Variants in SCAPER observed in about 807,000 individuals in gnomAD.
SCAPER encodes S phase cyclin A-associated protein in the endoplasmic reticulum.
In SCAPER, 98 loss-of-function variants were observed where a neutral mutation model predicts 182.2. That is an observed-to-expected ratio of 0.54 (90% CI 0.46 to 0.64). The LOEUF is 0.64. SCAPER is among the 30% of genes least tolerant of loss of function. SCAPER has a pLI of 0.00. For missense variants in SCAPER, 1,432 were observed against 1,690.0 expected, an observed-to-expected ratio of 0.85 and a Z score of 2.68; for synonymous variants, 605 against 564.6, an observed-to-expected ratio of 1.07 and a Z score of -1.01.
intron 24 of SCAPER, among the ~76,000 whole-genome samples, chr15:76,483,638 T>C (rs2051335034): frequency 6.6e-6 from 1 of 152,106 alleles, no homozygotes; most frequent in South Asian, 2.1e-4. Context: ...TTCAAAGAAC[T>C]CTTACAACTT....
At chr15:76,801,706 G>C (rs1379552826) in intron 6 of SCAPER, among the ~76,000 whole-genome samples, 3 of 151,986 alleles carry the variant, frequency 2.0e-5, no homozygotes, top group African/African-American at 7.3e-5. Flanking sequence ...GATCACTCGA[G>C]GTCAGGAGTT....
chr15:76,809,138 T>C (rs868751224), intron 5 of SCAPER, among the ~76,000 whole-genome samples: 1 of 152,038 alleles, frequency 6.6e-6, no homozygotes, highest in South Asian at 2.1e-4. Context: ...ACAGGTAAGA[T>C]CCATCTCCTA....
rs964002069 is a variant in SCAPER, at chr15:76,750,628, A to T, written c.1866+3180T>A. Among the ~76,000 whole-genome samples, 8 of 151,962 alleles carry T rather than the reference A, an allele frequency of 5.3e-5. No individual in the cohort carries two copies. In the South Asian group the frequency reaches 1.7e-3, roughly 31 times the overall value. ...ACATATGAAAACTGGCCAATGTAACATTACACATTAACAGAATTAAAGAGG... is the reference window on the plus strand; with the variant it reads ...ACATATGAAAACTGGCCAATGTAACTTTACACATTAACAGAATTAAAGAGG... On this transcript the variant is annotated intron_variant, in intron 15 of 31. Transcript: ENST00000563290.
intron 17 of SCAPER, among the ~76,000 whole-genome samples, chr15:76,708,033 G>T (rs999056846): frequency 5.9e-5 from 9 of 151,962 alleles, no homozygotes; most frequent in African/African-American, 2.2e-4. Context: ...TATAGTTGTC[G>T]CTCAGTATCC....
chr15:76,805,690 C>T (rs902174005), intron 5 of SCAPER, among the ~76,000 whole-genome samples: 1 of 151,920 alleles, frequency 6.6e-6, no homozygotes, highest in Non-Finnish European at 1.5e-5. Flanking sequence ...GCCTCAGCCT[C>T]CCAAGTAGCT....
intron 25 of SCAPER, among the ~76,000 whole-genome samples, chr15:76,437,410 G>C (rs372199171): frequency 6.6e-6 from 1 of 152,030 alleles, no homozygotes; most frequent in Non-Finnish European, 1.5e-5. Context: ...TTTCTTTGAG[G>C]GTTTATAACT....
chr15:76,763,944 T>G (rs2062952471), intron 14 of SCAPER, among the ~76,000 whole-genome samples: 1 of 152,232 alleles, frequency 6.6e-6, no homozygotes, highest in Non-Finnish European at 1.5e-5. Flanking sequence ...GTCAGGGACT[T>G]CATGGATCTT....
At chr15:76,839,034 C>A (rs930163181) in intron 5 of SCAPER, among the ~76,000 whole-genome samples, 1 of 152,194 alleles carries the variant, frequency 6.6e-6, no homozygotes, top group Non-Finnish European at 1.5e-5. Flanking sequence ...TTTGCTGGAA[C>A]GTCAGTTCTT....
chr15:76,815,710 T>G (rs988958536), intron 5 of SCAPER, among the ~76,000 whole-genome samples: 4 of 152,142 alleles, frequency 2.6e-5, no homozygotes, highest in Non-Finnish European at 5.9e-5. Context: ...CAAACCCTAT[T>G]GTGAGCGGCA....
At chr15:76,883,386 T>C (rs28641730) in intron 2 of SCAPER, among the ~76,000 whole-genome samples, 4,411 of 152,258 alleles carry the variant, frequency 0.029, 196 homozygotes, top group African/African-American at 0.1. Flanking sequence ...CCTGGCTCTC[T>C]GGGGAATTTC....
chr15:76,464,386 C>G (rs147351114), intron 25 of SCAPER, among the ~76,000 whole-genome samples: 1 of 151,656 alleles, frequency 6.6e-6, no homozygotes, highest in African/African-American at 2.4e-5. Flanking sequence ...TACAGTTGTC[C>G]CTCAGTATAC....
intron 23 of SCAPER, among the ~76,000 whole-genome samples, chr15:76,571,700 C>G (rs1281317259): frequency 6.6e-6 from 1 of 152,132 alleles, no homozygotes; most frequent in Non-Finnish European, 1.5e-5. Flanking sequence ...TACACTTGCC[C>G]AAGTTCCACC....
intron 24 of SCAPER, 129 bp downstream of exon 24, chr15:76,504,730 G>A: frequency 1.5e-6 from 1 of 661,078 alleles, no homozygotes; most frequent in Non-Finnish European, 2.5e-6. Context: ...TCCCTAATGG[G>A]GAGTGTAAGA....
chr15:76,697,955 A>T (rs1260121526), intron 20 of SCAPER, among the ~76,000 whole-genome samples: 1 of 152,130 alleles, frequency 6.6e-6, no homozygotes. Flanking sequence ...TAATTTTTAT[A>T]AAGGAAAGAA....
At chr15:76,777,947 C>T (rs752827565) in intron 8 of SCAPER, among the ~76,000 whole-genome samples, 4 of 152,104 alleles carry the variant, frequency 2.6e-5, no homozygotes, top group Non-Finnish European at 5.9e-5. Flanking sequence ...TACAGTTGGG[C>T]AAAATCATCT....
chr15:76,792,940 C>T (rs964955424), intron 8 of SCAPER, among the ~76,000 whole-genome samples: 4 of 152,316 alleles, frequency 2.6e-5, no homozygotes, highest in South Asian at 2.1e-4. Context: ...TTCAGTTGTG[C>T]CTCCTCTTTT....
chr15:76,516,821 G>A (rs2042462868), intron 23 of SCAPER, among the ~76,000 whole-genome samples: 1 of 152,154 alleles, frequency 6.6e-6, no homozygotes, highest in South Asian at 2.1e-4. Context: ...ACTTAAGGAG[G>A]AAACAGGAAC....
Position 76,771,892 on chromosome 15 carries a change from T to G in SCAPER, c.1098A>C (p.Arg366=), listed in dbSNP as rs760754818. 5 of 1,612,892 alleles carry G rather than the reference T, an allele frequency of 3.1e-6. No individual in the cohort carries two copies. The highest frequency in any genetic ancestry group is 1.7e-5 in the Admixed American group (1 of 59,986). The change falls in exon 10 of 32, where the codon CGA becomes CGC. Residue 366 remains arginine (R), a synonymous_variant. Transcript: ENST00000563290. ...TGTGGACAGCAGATATTTCAGAAGT[T>G]CGAACATAATTGTCTCGAATACTGC... ...NSGSIRDNYV[R]TSEISAVHID... is the part of the protein sequence containing the mutation.
At chr15:76,583,225 C>A (rs1205913394) in intron 22 of SCAPER, among the ~76,000 whole-genome samples, 1 of 152,054 alleles carries the variant, frequency 6.6e-6, no homozygotes, top group African/African-American at 2.4e-5. Flanking sequence ...GTGGCACATG[C>A]CTCTAGTCCC....
Sources: gnomAD v4.1 joint callset for allele counts (sites outside exome capture counted in the v4.1 genomes callset) on GRCh38, gnomAD v4.1.1 for gene constraint, MANE v1.5 for transcripts, NCBI Gene and HGNC (gene_info 2026-07-23, HGNC 2026-07-21) for gene names.